Variants in PPFIA2 observed in about 807,000 individuals in gnomAD.
PPFIA2 encodes the protein liprin-alpha-2.
In PPFIA2, 46 loss-of-function variants were observed where a neutral mutation model predicts 175.5. The observed-to-expected ratio is 0.26, with a 90% confidence interval of 0.21 to 0.34. The LOEUF is 0.34. Ranked by LOEUF, PPFIA2 falls within the 10% of genes least tolerant of loss-of-function variation. The pLI is 1.00. For synonymous variants in PPFIA2, 568 were observed against 511.4 expected (o/e 1.11, Z -1.49); for missense variants, 1,179 against 1,506.1 (o/e 0.78, Z 3.60).
chr12:81,515,572 T>C (rs376151609), intron 4 of PPFIA2, among the ~76,000 whole-genome samples: 26 of 152,188 alleles, frequency 1.7e-4, no homozygotes, highest in East Asian at 1.5e-3. Context: ...TCTAGGCTAC[T>C]GAAGACTATC....
Position 81,457,980 on chromosome 12 carries a change from T to A in PPFIA2, c.304-114A>T. On this transcript the variant is annotated intron_variant, in intron 4 of 32. Coordinates refer to ENST00000549396, the MANE Select transcript of PPFIA2 (RefSeq NM_003625.5). ...GGGGAAAAATGACCCCACTGACTGG[T>A]CAACATATGTTGCTGTTATGAAGTA... is the stretch of plus-strand genomic sequence containing the variant. The A allele has an allele frequency of 4.6e-6, 3 of 646,894 alleles. No homozygotes were observed. The South Asian group carries it at 6.1e-5, about 13-fold the overall frequency. The allele number at this position is 646,894 out of a possible 1,614,324, so 40.1% of individuals were successfully genotyped here.
intron 28 of PPFIA2, among the ~76,000 whole-genome samples, chr12:81,268,348 C>A (rs1390745374): frequency 6.6e-6 from 1 of 151,458 alleles, no homozygotes; most frequent in Non-Finnish European, 1.5e-5. Context: ...CCGTTTTAGC[C>A]GGGATGGTCT....
Position 81,259,287 on chromosome 12 carries a change from T to A in PPFIA2, c.*407A>T. On this transcript the variant is annotated 3_prime_UTR_variant, in exon 33 of 33. Coordinates refer to ENST00000549396, the MANE Select transcript of PPFIA2 (RefSeq NM_003625.5). The stretch of plus-strand genomic sequence containing the variant: ...GAGACTCCATGAACCATATATTTTA[T>A]TTTTTAAAAAATCATATTTATATCC... 2.7e-6 allele frequency: 1 copy of A among 364,092 alleles called. No homozygotes were observed. The highest frequency in any genetic ancestry group is 5.2e-6 in the Non-Finnish European group (1 of 193,230). The allele number at this position is 364,092 out of a possible 1,614,324, so 22.6% of individuals were successfully genotyped here.
At chr12:81,646,954 A>G (rs894428730) in intron 4 of PPFIA2, among the ~76,000 whole-genome samples, 2 of 152,136 alleles carry the variant, frequency 1.3e-5, no homozygotes, top group Admixed American at 6.6e-5. Context: ...AGTGTAAAGC[A>G]ACAAAATAGT....
chr12:81,624,218 G>A (rs1169757929), intron 4 of PPFIA2, among the ~76,000 whole-genome samples: 1 of 151,352 alleles, frequency 6.6e-6, no homozygotes, highest in Non-Finnish European at 1.5e-5. Context: ...CTTGCTTTAT[G>A]TTACTTATAT....
At chr12:81,451,117 C>T (rs577801400) in intron 5 of PPFIA2, among the ~76,000 whole-genome samples, 1 of 152,192 alleles carries the variant, frequency 6.6e-6, no homozygotes, top group East Asian at 1.9e-4. Context: ...CACACGCTCA[C>T]ATACAGACAC....
chr12:81,305,184 G>T (rs2048848599), intron 22 of PPFIA2, among the ~76,000 whole-genome samples: 1 of 152,024 alleles, frequency 6.6e-6, no homozygotes, highest in African/African-American at 2.4e-5. Flanking sequence ...ATTTGAAGAT[G>T]ATTATAAATT....
At chr12:81,261,897 G>T in intron 32 of PPFIA2, 52 bp downstream of exon 32, 4 of 1,250,156 alleles carry the variant, frequency 3.2e-6, no homozygotes, top group Non-Finnish European at 4.5e-6. Context: ...AGTCTATGTA[G>T]GTTCCATTTT....
At chr12:81,607,413 G>T (rs1293838346) in intron 4 of PPFIA2, among the ~76,000 whole-genome samples, 1 of 151,954 alleles carries the variant, frequency 6.6e-6, no homozygotes, top group Non-Finnish European at 1.5e-5. Context: ...TAATGATATT[G>T]GTCCTACAAT....
intron 4 of PPFIA2, among the ~76,000 whole-genome samples, chr12:81,611,753 T>C (rs1446194683): frequency 1.3e-5 from 2 of 152,136 alleles, no homozygotes; most frequent in African/African-American, 2.4e-5. Flanking sequence ...CGTTTATGGC[T>C]GCTTTTCACT....
intron 4 of PPFIA2, among the ~76,000 whole-genome samples, chr12:81,475,924 G>A (rs2057415836): frequency 6.6e-6 from 1 of 152,166 alleles, no homozygotes; most frequent in African/African-American, 2.4e-5. Context: ...TGTTAGCCAG[G>A]ATGGTCTCAA....
intron 4 of PPFIA2, among the ~76,000 whole-genome samples, chr12:81,571,822 G>A (rs562025240): frequency 1.2e-4 from 18 of 152,160 alleles, no homozygotes; most frequent in Admixed American, 7.2e-4. Flanking sequence ...TTTGTCCAAT[G>A]TGACAAGCAA....
chr12:81,670,691 T>G (rs2071234395), intron 4 of PPFIA2, among the ~76,000 whole-genome samples: 1 of 151,876 alleles, frequency 6.6e-6, no homozygotes, highest in African/African-American at 2.4e-5. Context: ...GAAACTTGAT[T>G]TTACCTAAAT....
intron 4 of PPFIA2, among the ~76,000 whole-genome samples, chr12:81,612,801 T>A (rs574978352): frequency 6.6e-6 from 1 of 152,380 alleles, no homozygotes; most frequent in Non-Finnish European, 1.5e-5. Flanking sequence ...TATATGTGTG[T>A]ATGTATATGT....
intron 21 of PPFIA2, among the ~76,000 whole-genome samples, chr12:81,337,300 C>T (rs1274409914): frequency 6.6e-6 from 1 of 152,092 alleles, no homozygotes; most frequent in Non-Finnish European, 1.5e-5. Context: ...TTACACTCTA[C>T]CTCTGCTGTT....
chr12:81,279,498 T>C (rs1335826301), intron 27 of PPFIA2, among the ~76,000 whole-genome samples: 4 of 152,112 alleles, frequency 2.6e-5, no homozygotes, highest in African/African-American at 9.7e-5. Context: ...AAAATTATAC[T>C]ATACAGAGGA....
At chr12:81,474,706 G>C (rs750598217) in intron 4 of PPFIA2, among the ~76,000 whole-genome samples, 7 of 152,018 alleles carry the variant, frequency 4.6e-5, no homozygotes, top group Non-Finnish European at 1.0e-4. Flanking sequence ...ATTACTTTTT[G>C]ACTGTATTCT....
At chr12:81,719,225 T>G (rs1043227159) in intron 3 of PPFIA2, among the ~76,000 whole-genome samples, 4 of 151,724 alleles carry the variant, frequency 2.6e-5, no homozygotes, top group Admixed American at 6.6e-5. Flanking sequence ...GGTTCAGCCC[T>G]CTGTTGTTGG....
intron 4 of PPFIA2, among the ~76,000 whole-genome samples, chr12:81,623,717 T>C (rs1241458236): frequency 6.6e-6 from 1 of 151,996 alleles, no homozygotes; most frequent in Non-Finnish European, 1.5e-5. Flanking sequence ...ATTATGTTTT[T>C]GAGTTTTGAG....
Sources: gnomAD v4.1 joint callset for allele counts (sites outside exome capture counted in the v4.1 genomes callset) on GRCh38, gnomAD v4.1.1 for gene constraint, MANE v1.5 for transcripts, NCBI Gene and HGNC (gene_info 2026-07-23, HGNC 2026-07-21) for gene names.